Variants in TAF4 observed in about 807,000 individuals in gnomAD.
TAF4 encodes TATA-box binding protein associated factor 4, also known as transcription initiation factor TFIID subunit 4.
A neutral mutation model predicts 90.3 loss-of-function variants in TAF4; 9 were observed. The ratio of observed to expected loss-of-function variants is 0.10; its 90% CI spans 0.06 to 0.17. The LOEUF (loss-of-function observed/expected upper bound fraction) is 0.17, where lower values mean the gene tolerates loss of function less well. TAF4 is among the 10% of genes least tolerant of loss of function. TAF4 has a pLI of 1.00. For missense variants in TAF4, 1,351 were observed against 1,370.7 expected, an observed-to-expected ratio of 0.99 and a Z score of 0.23; for synonymous variants, 818 against 638.9, an observed-to-expected ratio of 1.28 and a Z score of -4.23.
Position 62,065,257 on chromosome 20 carries a change from C to A in TAF4, c.554G>T (p.Gly185Val). The part of the protein sequence containing the change: ...GPGPGPGPGP[G>V]PGKPAGPGAA... ...GCCGGGGCCGGCGGGCTTGCCAGGG[C>A]CAGGGCCGGGGCCGGGGCCGGGGCC... is the stretch of plus-strand genomic sequence containing the variant. Residue 185 changes from glycine (G) to valine (V), a missense_variant, in exon 1 of 15, where the codon GGC (glycine) becomes GTC (valine). By Grantham distance (109) the Gly-to-Val change is moderately radical (BLOSUM62 -3). Coordinates refer to ENST00000252996, the MANE Select transcript of TAF4 (RefSeq NM_003185.4). 1.1e-6 allele frequency: 1 copy of A among 902,936 alleles called. No homozygotes were observed. The highest frequency in any genetic ancestry group is 4.9e-5 in the South Asian group (1 of 20,568). The allele number at this position is 902,936 out of a possible 1,614,324, so 55.9% of individuals were successfully genotyped here.
At chr20:61,988,007 G>C (rs538451645) in intron 14 of TAF4, among the ~76,000 whole-genome samples, 31 of 152,208 alleles carry the variant, frequency 2.0e-4, no homozygotes, top group Non-Finnish European at 1.8e-4. Flanking sequence ...TGATATTCTG[G>C]AAAAGGCGAA....
chr20:61,979,558 G>A (rs1278285395), intron 14 of TAF4, among the ~76,000 whole-genome samples: 1 of 146,296 alleles, frequency 6.8e-6, no homozygotes, highest in African/African-American at 2.6e-5. Context: ...CACTCCAGAG[G>A]GACTGCGGCC....
At chr20:62,031,335 C>T (rs1050974178) in intron 1 of TAF4, among the ~76,000 whole-genome samples, 9 of 152,200 alleles carry the variant, frequency 5.9e-5, no homozygotes, top group African/African-American at 2.2e-4. Context: ...TGCTCGCTTC[C>T]GCCGACAGCA....
chr20:62,065,054 C>CGGGCGCGGG lies in TAF4; in HGVS notation c.748_756dup (p.Pro250_Pro252dup), dbSNP rs1236223702. The CGGGCGCGGG allele has an allele frequency of 1.4e-6, 1 of 703,230 alleles. No homozygotes were observed. Among genetic ancestry groups the CGGGCGCGGG allele is most frequent in the Non-Finnish European group, 1.6e-6 (1 of 615,838 alleles). The allele number at this position is 703,230 out of a possible 1,614,324, so 43.6% of individuals were successfully genotyped here. A position where few individuals can be genotyped will look rare whatever the true frequency, so the allele number is the denominator to read the frequency against. On this transcript the variant is annotated inframe_insertion, in exon 1 of 15. Coordinates refer to ENST00000252996, the MANE Select transcript of TAF4 (RefSeq NM_003185.4). ...GGGGCGGCGGGGGGCGAGGGCGCGG[C>CGGGCGCGGG]GGGCGCGGGGGGCGCGGCGGCGCCC...
Position 61,976,328 on chromosome 20 carries a change from C to T in TAF4, c.3098G>A (p.Gly1033Asp), listed in dbSNP as rs963787088. 1 of 1,613,232 alleles carries T rather than the reference C, an allele frequency of 6.2e-7. No homozygotes were observed. The highest frequency in any genetic ancestry group is 1.3e-5 in the African/African-American group (1 of 74,910). ...PGPGSGAEGS[G>D]PGSVVPGSSG... ...GCTGCCTGGGACCACTGAGCCGGGG[C>T]CCGACCCCTGGTGATGAAAAAGGAG... Residue 1033 changes from glycine to aspartate, a missense_variant, in exon 15 of 15, where the codon GGC becomes GAC. Coordinates refer to ENST00000252996, the MANE Select transcript of TAF4 (RefSeq NM_003185.4).
intron 12 of TAF4, among the ~76,000 whole-genome samples, 192 bp from the exon 13 acceptor site, chr20:61,998,384 G>A (rs2055676778): frequency 6.6e-6 from 1 of 152,194 alleles, no homozygotes; most frequent in Non-Finnish European, 1.5e-5. Context: ...GTAATCTTGA[G>A]AAAAGTCAGT....
intron 1 of TAF4, among the ~76,000 whole-genome samples, chr20:62,031,261 C>T (rs1223133430): frequency 6.6e-5 from 10 of 152,174 alleles, no homozygotes; most frequent in East Asian, 3.9e-4. Context: ...CCAGGCTGGG[C>T]GTCCAAGCCC....
intron 14 of TAF4, among the ~76,000 whole-genome samples, chr20:61,994,204 G>C (rs142964108): frequency 6.6e-6 from 1 of 152,148 alleles, no homozygotes. Context: ...TTGTTGTTCA[G>C]AATTTCAGTT....
intron 14 of TAF4, among the ~76,000 whole-genome samples, chr20:61,996,527 G>A (rs1046870418): frequency 9.2e-5 from 14 of 152,268 alleles, no homozygotes; most frequent in African/African-American, 3.1e-4. Flanking sequence ...AAGGCCAGGC[G>A]TGGTGGCTCA....
intron 4 of TAF4, among the ~76,000 whole-genome samples, chr20:62,009,842 C>G (rs1252003728): frequency 6.6e-6 from 1 of 152,192 alleles, no homozygotes; most frequent in African/African-American, 2.4e-5. Flanking sequence ...CAGACTTCTG[C>G]GGTCTAAGGC....
chr20:62,024,136 A>G (rs928884436), intron 1 of TAF4, among the ~76,000 whole-genome samples: 1 of 152,122 alleles, frequency 6.6e-6, no homozygotes, highest in Non-Finnish European at 1.5e-5. Flanking sequence ...ACAGATCAAC[A>G]CGGCCGTGCA....
intron 2 of TAF4, among the ~76,000 whole-genome samples, chr20:62,013,595 G>A (rs1245629499): frequency 6.6e-6 from 1 of 152,266 alleles, no homozygotes; most frequent in African/African-American, 2.4e-5. Flanking sequence ...CCACGTCCCT[G>A]TCTATGGGAC....
At chr20:62,057,119 G>C (rs2056069103) in intron 1 of TAF4, among the ~76,000 whole-genome samples, 1 of 152,210 alleles carries the variant, frequency 6.6e-6, no homozygotes, top group Non-Finnish European at 1.5e-5. Context: ...TGCAAAGTCA[G>C]AAAATGAAAG....
Position 61,997,655 on chromosome 20 carries a change from T to C in TAF4, c.2985A>G (p.Glu995=), listed in dbSNP as rs778236240. ...KQKAKEMQQQ[E]LAQMRQRDAN... is the part of the protein sequence containing the mutation. Reference sequence around the variant, plus strand: ...CGTCCCGCTGTCTCATTTGTGCCAGTTCCTGTTGCTGCATCTTTTATTTTG... The same window carrying C: ...CGTCCCGCTGTCTCATTTGTGCCAGCTCCTGTTGCTGCATCTTTTATTTTG... Residue 995 remains glutamate (E), a synonymous_variant, in exon 14 of 15, where the codon GAA becomes GAG. Coordinates refer to ENST00000252996, the MANE Select transcript of TAF4 (RefSeq NM_003185.4). 3 of 1,611,220 alleles carry C rather than the reference T, an allele frequency of 1.9e-6. No homozygotes were observed. Among genetic ancestry groups the C allele is most frequent in the Non-Finnish European group, 2.5e-6 (3 of 1,179,240 alleles).
At chr20:62,036,423 T>A (rs1028542416) in intron 1 of TAF4, among the ~76,000 whole-genome samples, 5 of 152,204 alleles carry the variant, frequency 3.3e-5, no homozygotes, top group African/African-American at 9.6e-5. Flanking sequence ...CCCAGTGCTA[T>A]CAAGGATATA....
chr20:61,985,885 AT>A (rs1466033753), intron 14 of TAF4, among the ~76,000 whole-genome samples: 1 of 151,750 alleles, frequency 6.6e-6, no homozygotes, highest in African/African-American at 2.4e-5. Flanking sequence ...TCTAAACACC[AT>A]CCCCGACCAA....
At position 62,000,116 on chromosome 20, in the gene TAF4, C is replaced by G; in HGVS notation, c.2787+8G>C. On this transcript the variant is annotated splice_region_variant and intron_variant, in intron 11 of 14. Coordinates refer to ENST00000252996, the MANE Select transcript of TAF4 (RefSeq NM_003185.4). Reference sequence around the variant, plus strand: ...TAAAGACGCTCTCCTCGGCAAACAGCCTGTTACCTTGTAAGAAAAGTTCTT... The same window carrying G: ...TAAAGACGCTCTCCTCGGCAAACAGGCTGTTACCTTGTAAGAAAAGTTCTT... 6.2e-7 allele frequency: 1 copy of G among 1,614,218 alleles called. No homozygotes were observed. Among genetic ancestry groups the G allele is most frequent in the Non-Finnish European group, 8.5e-7 (1 of 1,180,028 alleles).
intron 14 of TAF4, among the ~76,000 whole-genome samples, chr20:61,982,883 AC>A (rs2055559191): frequency 6.6e-6 from 1 of 150,590 alleles, no homozygotes; most frequent in Non-Finnish European, 1.5e-5. Context: ...CCCAGCCTGC[AC>A]CCCCCTCCCC....
intron 13 of TAF4, 148 bp downstream of exon 13, chr20:61,997,988 T>G: frequency 2.6e-6 from 2 of 766,192 alleles, no homozygotes; most frequent in South Asian, 4.2e-5. Flanking sequence ...ACCTCTGATG[T>G]TGTATTTATT....
Sources: gnomAD v4.1 joint callset for allele counts (sites outside exome capture counted in the v4.1 genomes callset) on GRCh38, gnomAD v4.1.1 for gene constraint, MANE v1.5 for transcripts, NCBI Gene and HGNC (gene_info 2026-07-23, HGNC 2026-07-21) for gene names.